Variants in ACTN4 observed in about 807,000 individuals in gnomAD.
ACTN4 encodes the protein actinin alpha 4.
ACTN4 carries 18 observed loss-of-function variants against 114.2 expected under a neutral mutation model. That is an observed-to-expected ratio of 0.16 (90% CI 0.11 to 0.23). The LOEUF (loss-of-function observed/expected upper bound fraction) is 0.23, where lower values mean the gene tolerates loss of function less well. Among genes scored for constraint, ACTN4 ranks in the 10% least tolerant of loss-of-function variants. The pLI is 1.00. For missense variants in ACTN4, 722 were observed against 1,262.9 expected (o/e 0.57, Z 6.49); for synonymous variants, 515 against 506.3 (o/e 1.02, Z -0.23).
chr19:38,663,935 C>T (rs532515501), intron 1 of ACTN4, among the ~76,000 whole-genome samples: 2 of 152,204 alleles, frequency 1.3e-5, no homozygotes, highest in Admixed American at 1.3e-4. Flanking sequence ...GCACAGGTTT[C>T]GACAAAAAGA....
At position 38,731,094 on chromosome 19, in the gene ACTN4, G is replaced by T. The variant is rs1392154970; in HGVS notation, c.*1662G>T. ...CTTCCCCCCATGCCCCACCATGCCG[G>T]GGTGGTACTCACAGAAGATGCAGGT... On this transcript the variant is annotated 3_prime_UTR_variant, in exon 21 of 21. Transcript: ENST00000252699. 4 of 1,605,650 alleles carry T rather than the reference G, an allele frequency of 2.5e-6. No homozygotes were observed. The highest frequency in any genetic ancestry group is 3.4e-6 in the Non-Finnish European group (4 of 1,176,680).
intron 20 of ACTN4, 48 bp from the exon 21 acceptor site, chr19:38,729,226 C>T (rs1182237870): frequency 1.2e-6 from 2 of 1,612,076 alleles, no homozygotes; most frequent in Non-Finnish European, 1.7e-6. Flanking sequence ...GCTGAGGGGG[C>T]CAGTGTGTGG....
chr19:38,697,517 T>TTAAGTAGG (rs1968133857), intron 1 of ACTN4, among the ~76,000 whole-genome samples: 1 of 152,250 alleles, frequency 6.6e-6, no homozygotes, highest in South Asian at 2.1e-4. Flanking sequence ...GGAAACAGAC[T>TTAAGTAGG]TAAGTAGGTA....
At chr19:38,678,458 A>G (rs569353105) in intron 1 of ACTN4, among the ~76,000 whole-genome samples, 1 of 152,154 alleles carries the variant, frequency 6.6e-6, no homozygotes, top group South Asian at 2.1e-4. Flanking sequence ...GTCTCCATTT[A>G]TTGGGCTGAG....
intron 1 of ACTN4, among the ~76,000 whole-genome samples, chr19:38,661,899 G>A (rs543891905): frequency 1.8e-4 from 27 of 152,228 alleles, no homozygotes; most frequent in Middle Eastern, 3.4e-3. Context: ...TTATCCGCCC[G>A]CCTCGGCTTC....
At chr19:38,702,554 C>T (rs552338967) in intron 3 of ACTN4, among the ~76,000 whole-genome samples, 34 of 152,310 alleles carry the variant, frequency 2.2e-4, no homozygotes, top group African/African-American at 6.7e-4. Flanking sequence ...CTTGCTGAGC[C>T]GGGGAGCTGC....
At chr19:38,673,674 T>TA (rs1555826361) in intron 1 of ACTN4, among the ~76,000 whole-genome samples, 3 of 67,584 alleles carry the variant, frequency 4.4e-5, no homozygotes, top group East Asian at 2.2e-4. Flanking sequence ...TTATATATAT[T>TA]TATATATTTA....
intron 1 of ACTN4, among the ~76,000 whole-genome samples, chr19:38,670,579 C>T (rs891488562): frequency 1.3e-5 from 2 of 152,024 alleles, no homozygotes; most frequent in Non-Finnish European, 2.9e-5. Context: ...GGAATGGGGA[C>T]CTGGGACTTC....
intron 1 of ACTN4, among the ~76,000 whole-genome samples, chr19:38,682,650 G>A (rs1465224673): frequency 2.0e-5 from 3 of 152,250 alleles, no homozygotes; most frequent in South Asian, 4.2e-4. Context: ...CGTTCTCCGC[G>A]CGAAATCTGG....
chr19:38,651,439 C>A (rs965105542), intron 1 of ACTN4, among the ~76,000 whole-genome samples: 4 of 152,180 alleles, frequency 2.6e-5, no homozygotes, highest in Admixed American at 2.6e-4. Context: ...GGCCACAGTT[C>A]CCTCTCCCAA....
rs925972769 is a variant in ACTN4, at chr19:38,720,347, G to A, written c.1292-1191G>A. 2.6e-5 allele frequency among the ~76,000 whole-genome samples: 4 copies of A among 152,222 alleles called. No individual in the cohort carries two copies. In the East Asian group the frequency reaches 7.7e-4, roughly 29 times the overall value. On this transcript the variant is annotated intron_variant, in intron 11 of 20. Coordinates refer to ENST00000252699, the MANE Select transcript of ACTN4 (RefSeq NM_004924.6). ...ATGGTCCGCTGCCCACATCCTCTCG[G>A]TGCACCCTTGCCAGGACTCTGCGGA...
chr19:38,667,285 C>T (rs946294515), intron 1 of ACTN4, among the ~76,000 whole-genome samples: 1 of 152,034 alleles, frequency 6.6e-6, no homozygotes, highest in African/African-American at 2.4e-5. Flanking sequence ...AAGCTGTCAC[C>T]GCCAAGCCTC....
intron 1 of ACTN4, 50 bp downstream of exon 1, chr19:38,647,957 C>T: frequency 7.1e-7 from 1 of 1,400,872 alleles, no homozygotes; most frequent in Non-Finnish European, 9.3e-7. Context: ...CTGAGGGGGC[C>T]CGGGGAGGGG....
Position 38,729,407 on chromosome 19 carries a change from C to T in ACTN4, c.2711C>T (p.Ala904Val). Residue 904 changes from alanine to valine, a missense_variant, in exon 21 of 21, where the codon GCC (alanine) becomes GTC (valine). Around this residue, in one of 3 missense-constraint regions of ACTN4, gnomAD observed 523 missense variants for 875.9 expected, o/e 0.60. Transcript: ENST00000252699. ...GALDYKSFSTALYGESDL is the reference protein window; with the variant it reads ...GALDYKSFSTVLYGESDL The stretch of plus-strand genomic sequence containing the variant: ...CTCGACTACAAGTCCTTCTCCACGG[C>T]CTTGTATGGCGAGAGCGACCTGTGA... 6.2e-7 allele frequency: 1 copy of T among 1,612,900 alleles called. No individual in the cohort carries two copies. The highest frequency in any genetic ancestry group is 8.5e-7 in the Non-Finnish European group (1 of 1,180,006).
At chr19:38,700,422 C>T (rs1968232910) in intron 1 of ACTN4, among the ~76,000 whole-genome samples, 178 bp from the exon 2 acceptor site, 1 of 152,148 alleles carries the variant, frequency 6.6e-6, no homozygotes, top group Admixed American at 6.5e-5. Context: ...ATCTGCCTCC[C>T]GGGGTCACTG....
At chr19:38,663,810 A>G (rs1321153032) in intron 1 of ACTN4, among the ~76,000 whole-genome samples, 3 of 152,206 alleles carry the variant, frequency 2.0e-5, no homozygotes, top group African/African-American at 7.2e-5. Context: ...GTATCCATTC[A>G]TGCGTCCTGT....
At chr19:38,723,499 TC>T (rs1274682994) in intron 12 of ACTN4, 114 bp from the exon 13 acceptor site, 53 of 770,276 alleles carry the variant, frequency 6.9e-5, no homozygotes, top group Non-Finnish European at 1.2e-4. Context: ...GTTGCTGATA[TC>T]CTGGAATGTT....
chr19:38,729,645 G>T lies in ACTN4; in HGVS notation c.*213G>T. Reference sequence around the variant, plus strand: ...CCCCGACCAGGTTGGGGAGACTTGGGGCCAGCGCTTCTGGTCTGGTAAATA... The same window carrying T: ...CCCCGACCAGGTTGGGGAGACTTGGTGCCAGCGCTTCTGGTCTGGTAAATA... On this transcript the variant is annotated 3_prime_UTR_variant, in exon 21 of 21. Transcript: ENST00000252699. 1.3e-6 allele frequency: 1 copy of T among 741,930 alleles called. No homozygotes were observed. The highest frequency in any genetic ancestry group is 2.4e-6 in the Non-Finnish European group (1 of 423,290). The allele number at this position is 741,930 out of a possible 1,614,324, so 46.0% of individuals were successfully genotyped here. A position where few individuals can be genotyped will look rare whatever the true frequency, so the allele number is the denominator to read the frequency against.
Position 38,647,922 on chromosome 19 carries a change from G to C in ACTN4, c.162+15G>C. 6.8e-7 allele frequency: 1 copy of C among 1,480,532 alleles called. No homozygotes were observed. The highest frequency in any genetic ancestry group is 2.8e-5 in the East Asian group (1 of 35,982). 91.7% of individuals were successfully genotyped at this position (1,480,532 alleles called of 1,614,324 possible). A position where few individuals can be genotyped will look rare whatever the true frequency, so the allele number is the denominator to read the frequency against. The stretch of plus-strand genomic sequence containing the variant: ...AGCAGCGCAAGGTGCGCGGCCCGCG[G>C]GCCGGACGGGCTGGAGGGGCTTTTC... On this transcript the variant is annotated intron_variant, in intron 1 of 20. Transcript: ENST00000252699.
Sources: gnomAD v4.1 joint callset for allele counts (sites outside exome capture counted in the v4.1 genomes callset) on GRCh38, gnomAD v4.1.1 for gene constraint, gnomAD v4.1.1 regional missense constraint, MANE v1.5 for transcripts, NCBI Gene and HGNC (gene_info 2026-07-23, HGNC 2026-07-21) for gene names.